FRMD4A: variants seen among roughly 807,000 people sequenced by gnomAD.
FRMD4A encodes the protein FERM domain-containing protein 4A.
FRMD4A carries 29 observed loss-of-function variants against 129.1 expected under a neutral mutation model. The ratio of observed to expected loss-of-function variants is 0.22; its 90% confidence interval spans 0.17 to 0.31. The LOEUF is 0.31. Ranked by LOEUF, FRMD4A falls within the 10% of genes least tolerant of loss-of-function variation. The pLI is 1.00. For synonymous variants in FRMD4A, 634 were observed against 571.6 expected (o/e 1.11, Z -1.56); for missense variants, 1,272 against 1,375.8 (o/e 0.92, Z 1.19).
chr10:13,842,707 T>A (rs1233380966), intron 3 of FRMD4A, among the ~76,000 whole-genome samples: 1 of 152,172 alleles, frequency 6.6e-6, no homozygotes, highest in Non-Finnish European at 1.5e-5. Context: ...GGATAAATGT[T>A]ATGTAAACTT....
At chr10:13,696,175 C>G (rs2134844123) in intron 14 of FRMD4A, among the ~76,000 whole-genome samples, 1 of 152,328 alleles carries the variant, frequency 6.6e-6, no homozygotes, top group East Asian at 1.9e-4. Flanking sequence ...CTGCCAGGCC[C>G]TCGAAGGATT....
intron 3 of FRMD4A, among the ~76,000 whole-genome samples, chr10:13,834,304 C>A (rs917567964): frequency 4.0e-5 from 6 of 151,868 alleles, no homozygotes; most frequent in South Asian, 2.1e-4. Flanking sequence ...AAAACCACCA[C>A]CAACAACAAA....
Position 14,008,163 on chromosome 10 carries a change from T to TGTGC in FRMD4A, c.46-149252_46-149251insGCAC, listed in dbSNP as rs1555012518. 1.5e-4 allele frequency: 80 copies of TGTGC among 550,152 alleles called. 1 individual carries two copies. In the South Asian group the frequency reaches 2.3e-3, roughly 16 times the overall value. 34.1% of individuals were successfully genotyped at this position (550,152 alleles called of 1,614,324 possible). On this transcript the variant is annotated intron_variant, in intron 2 of 24. Transcript: ENST00000357447. ...AGCCTGAACCACCATGGTGTACAGC[T>TGTGC]GTGTGTGTGTGTGTGTGTGTGTGTG...
At chr10:14,131,400 C>CCCG (rs888582429) in intron 2 of FRMD4A, among the ~76,000 whole-genome samples, 19 of 150,502 alleles carry the variant, frequency 1.3e-4, no homozygotes, top group East Asian at 1.0e-3. Context: ...CACTGTGCCC[C>CCCG]CCCCGGCCGC....
chr10:14,173,486 GA>G (rs759537297), intron 2 of FRMD4A, among the ~76,000 whole-genome samples: 38 of 152,216 alleles, frequency 2.5e-4, no homozygotes, highest in Non-Finnish European at 5.3e-4. Context: ...CTATTTTTCC[GA>G]GAACACACTG....
chr10:13,866,629 T>C (rs976718974), intron 2 of FRMD4A, among the ~76,000 whole-genome samples: 1 of 152,154 alleles, frequency 6.6e-6, no homozygotes, highest in Non-Finnish European at 1.5e-5. Flanking sequence ...TCAAGAAATT[T>C]ACGGGAAATA....
At chr10:13,938,663 G>C (rs11258734) in intron 2 of FRMD4A, among the ~76,000 whole-genome samples, 1 of 152,158 alleles carries the variant, frequency 6.6e-6, no homozygotes, top group African/African-American at 2.4e-5. Context: ...GGCACAGAAG[G>C]GTTAACAGTG....
chr10:14,073,077 C>T (rs1388424329), intron 2 of FRMD4A, among the ~76,000 whole-genome samples: 1 of 152,198 alleles, frequency 6.6e-6, no homozygotes, highest in East Asian at 1.9e-4. Flanking sequence ...AAGACATACA[C>T]TACGAGAACC....
intron 2 of FRMD4A, among the ~76,000 whole-genome samples, chr10:14,262,847 C>T (rs111466869): frequency 0.012 from 1,819 of 152,310 alleles, 15 homozygotes; most frequent in South Asian, 0.021. Context: ...GTAAGTCTAT[C>T]TTAAAGCACA....
chr10:13,982,874 G>T (rs1193704125), intron 2 of FRMD4A, among the ~76,000 whole-genome samples: 1 of 152,208 alleles, frequency 6.6e-6, no homozygotes, highest in Non-Finnish European at 1.5e-5. Context: ...GAGGGCAAAG[G>T]CAAAGATTTC....
intron 2 of FRMD4A, among the ~76,000 whole-genome samples, chr10:14,141,851 G>A (rs947854022): frequency 2.6e-5 from 4 of 152,146 alleles, no homozygotes; most frequent in African/African-American, 9.7e-5. Flanking sequence ...GTGCATGTGT[G>A]TTTCACCCAC....
At chr10:14,067,920 A>T (rs1835140799) in intron 2 of FRMD4A, among the ~76,000 whole-genome samples, 3 of 152,252 alleles carry the variant, frequency 2.0e-5, no homozygotes, top group South Asian at 4.1e-4. Context: ...TAGTAGCAGT[A>T]GAAGTACCAG....
chr10:13,891,896 G>A (rs958690423), intron 2 of FRMD4A: 6 of 254,864 alleles, frequency 2.4e-5, no homozygotes, highest in Non-Finnish European at 3.6e-5. Context: ...CGCCCGGCCC[G>A]CCGCATGGTG....
intron 3 of FRMD4A, among the ~76,000 whole-genome samples, chr10:13,812,108 C>T (rs1344014179): frequency 6.6e-6 from 1 of 152,168 alleles, no homozygotes; most frequent in Non-Finnish European, 1.5e-5. Context: ...GTCTCGATCT[C>T]TTGACCTCGT....
chr10:13,964,277 C>T (rs1419146746), intron 2 of FRMD4A, among the ~76,000 whole-genome samples: 1 of 152,064 alleles, frequency 6.6e-6, no homozygotes, highest in Non-Finnish European at 1.5e-5. Context: ...AATCCCCCTC[C>T]CCACTAACAA....
intron 2 of FRMD4A, among the ~76,000 whole-genome samples, chr10:13,883,290 GACCAGCCTGGCCA>G (rs1292041570): frequency 6.6e-6 from 1 of 150,714 alleles, no homozygotes; most frequent in Non-Finnish European, 1.5e-5. Context: ...AGGAGTTCAA[GACCAGCCTGGCCA>G]ACATGCTGAA....
chr10:13,871,312 T>C (rs546655262), intron 2 of FRMD4A: 3 of 152,816 alleles, frequency 2.0e-5, no homozygotes, highest in African/African-American at 7.2e-5. Flanking sequence ...GGTGCACTGT[T>C]GCCACCAAGG....
At chr10:14,071,391 T>A (rs953918845) in intron 2 of FRMD4A, among the ~76,000 whole-genome samples, 2 of 152,218 alleles carry the variant, frequency 1.3e-5, no homozygotes, top group Non-Finnish European at 2.9e-5. Context: ...TCCTGCTTTT[T>A]TAGCTGAAAG....
At chr10:14,295,461 TC>T (rs1318091479) in intron 2 of FRMD4A, among the ~76,000 whole-genome samples, 1 of 152,208 alleles carries the variant, frequency 6.6e-6, no homozygotes, top group African/African-American at 2.4e-5. Flanking sequence ...TAGTCCCATT[TC>T]TTGAGCTTTC....
Sources: allele counts gnomAD v4.1 joint callset (sites outside exome capture counted in the v4.1 genomes callset), GRCh38; gene constraint gnomAD v4.1.1; transcripts MANE v1.5; gene names NCBI Gene and HGNC (gene_info 2026-07-23, HGNC 2026-07-21).